The following FMN1 variants were observed in gnomAD, a reference collection of about 807,000 sequenced individuals.
FMN1 encodes the protein formin-1.
A neutral mutation model predicts 132.4 loss-of-function variants in FMN1; 110 were observed. The ratio of observed to expected loss-of-function variants is 0.83; its 90% CI spans 0.71 to 0.97. FMN1 has a LOEUF of 0.97. FMN1 is among the 50% of genes least tolerant of loss of function. The pLI, the probability that FMN1 is intolerant of heterozygous loss-of-function variation, is 0.00. For synonymous variants in FMN1, 722 were observed against 651.7 expected, an observed-to-expected ratio of 1.11 and a Z score of -1.64; for missense variants, 1,792 against 1,705.3, an observed-to-expected ratio of 1.05 and a Z score of -0.90.
chr15:33,107,057 TCTAA>T (rs939083896), intron 4 of FMN1, among the ~76,000 whole-genome samples: 6 of 152,178 alleles, frequency 3.9e-5, no homozygotes, highest in African/African-American at 1.4e-4. Context: ...TTATTTTCCT[TCTAA>T]CTTTGTTCTT....
At chr15:32,785,949 A>G (rs570186961) in intron 19 of FMN1, among the ~76,000 whole-genome samples, 5 of 152,332 alleles carry the variant, frequency 3.3e-5, no homozygotes, top group African/African-American at 1.2e-4. Context: ...GAATCTCTTT[A>G]AAAAAAGATT....
rs575051489 is a variant in FMN1, at chr15:33,062,741, G to T, written c.2161+2216C>A. 3 of 152,220 alleles carry T rather than the reference G, an allele frequency of 2.0e-5. No individual in the cohort carries two copies. The East Asian group carries it at 5.8e-4, about 29-fold the overall frequency. 9.4% of individuals were successfully genotyped at this position (152,220 alleles called of 1,614,324 possible). A position where few individuals can be genotyped will look rare whatever the true frequency, so the allele number is the denominator to read the frequency against. On this transcript the variant is annotated intron_variant, in intron 6 of 20. Coordinates refer to ENST00000616417, the MANE Select transcript of FMN1 (RefSeq NM_001277313.2). ...TTTCAAAAGTGACAACAGTTTCTCT[G>T]AAATAGAATCATAGAAAGTTTCTTT...
At chr15:32,804,407 A>T in intron 17 of FMN1, 75 bp from the exon 18 acceptor site, 2 of 419,688 alleles carry the variant, frequency 4.8e-6, no homozygotes, top group Non-Finnish European at 8.0e-6. Flanking sequence ...CTTCAATTAC[A>T]CCCATTCATT....
chr15:33,128,591 C>T (rs1255093404), intron 4 of FMN1, among the ~76,000 whole-genome samples: 1 of 152,236 alleles, frequency 6.6e-6, no homozygotes. Context: ...CGTGGTCTAA[C>T]TTCACAAACA....
At chr15:33,193,660 C>T (rs181704588) in intron 2 of FMN1, among the ~76,000 whole-genome samples, 2 of 152,090 alleles carry the variant, frequency 1.3e-5, no homozygotes, top group Non-Finnish European at 2.9e-5. Flanking sequence ...TCAGCCCATT[C>T]GGAGTGTGTG....
chr15:32,903,590 A>G (rs1340786553), intron 12 of FMN1, among the ~76,000 whole-genome samples: 4 of 152,218 alleles, frequency 2.6e-5, no homozygotes, highest in Non-Finnish European at 5.9e-5. Flanking sequence ...GAGCATGTAC[A>G]CTTCCTATCA....
At chr15:32,949,978 T>TTAAAA (rs2061598678) in intron 9 of FMN1, among the ~76,000 whole-genome samples, 1 of 36,198 alleles carries the variant, frequency 2.8e-5, no homozygotes, top group African/African-American at 1.6e-4. Context: ...CACATATATA[T>TTAAAA]ACACACACAT....
chr15:32,900,543 C>A (rs2060269676), intron 13 of FMN1, among the ~76,000 whole-genome samples: 1 of 152,134 alleles, frequency 6.6e-6, no homozygotes. Context: ...ATCTAGATAA[C>A]CAATACAGTT....
Position 32,988,416 on chromosome 15 carries a change from G to C in FMN1, c.2224-18939C>G, listed in dbSNP as rs532680434. 2.0e-5 allele frequency among the ~76,000 whole-genome samples: 3 copies of C among 152,302 alleles called. No individual in the cohort carries two copies. The South Asian group carries it at 6.2e-4, about 32-fold the overall frequency. ...ATACATTCGTAACAGAAGCGTGTTTGAGTTTGTGTCATCTGAAGATTCTGC... is the reference window on the plus strand; with the variant it reads ...ATACATTCGTAACAGAAGCGTGTTTCAGTTTGTGTCATCTGAAGATTCTGC... On this transcript the variant is annotated intron_variant, in intron 7 of 20. Coordinates refer to ENST00000616417, the MANE Select transcript of FMN1 (RefSeq NM_001277313.2).
intron 4 of FMN1, among the ~76,000 whole-genome samples, chr15:33,121,422 C>A (rs929207717): frequency 4.6e-5 from 7 of 152,044 alleles, no homozygotes; most frequent in African/African-American, 1.7e-4. Context: ...GGGAGAAACT[C>A]ATTCCCTCAT....
At chr15:32,981,895 C>T (rs1347814548) in intron 7 of FMN1, among the ~76,000 whole-genome samples, 1 of 152,028 alleles carries the variant, frequency 6.6e-6, no homozygotes, top group African/African-American at 2.4e-5. Context: ...AAAAACTGAT[C>T]AATTAGACAG....
intron 9 of FMN1, among the ~76,000 whole-genome samples, chr15:32,943,661 G>C (rs2061444659): frequency 6.6e-6 from 1 of 152,208 alleles, no homozygotes; most frequent in South Asian, 2.1e-4. Flanking sequence ...TACAGGCTCT[G>C]ATGATTGCAC....
chr15:32,866,105 C>T (rs531716247), intron 16 of FMN1, among the ~76,000 whole-genome samples: 2 of 151,430 alleles, frequency 1.3e-5, no homozygotes, highest in Non-Finnish European at 2.9e-5. Flanking sequence ...GGAGGGATAG[C>T]ATTAGGAGAT....
intron 7 of FMN1, among the ~76,000 whole-genome samples, chr15:32,992,842 G>C (rs1040722674): frequency 6.6e-6 from 1 of 152,134 alleles, no homozygotes; most frequent in African/African-American, 2.4e-5. Context: ...TTTTTACGGA[G>C]TAAAATATCA....
intron 5 of FMN1, 35 bp from the exon 6 acceptor site, chr15:33,065,109 T>C: frequency 1.4e-6 from 2 of 1,403,088 alleles, no homozygotes; most frequent in Non-Finnish European, 9.8e-7. Context: ...AAGTGGAATG[T>C]AGTCAGAGCC....
Position 32,773,126 on chromosome 15 carries a change from C to T in FMN1, c.*1184G>A, listed in dbSNP as rs1440048002. ...TGTCAGAGAGGTCAAAGGTGGTTTCCTTATGTGACTCAAGAGCCAGGGTCA... is the reference window on the plus strand; with the variant it reads ...TGTCAGAGAGGTCAAAGGTGGTTTCTTTATGTGACTCAAGAGCCAGGGTCA... On this transcript the variant is annotated 3_prime_UTR_variant, in exon 21 of 21. Coordinates refer to ENST00000616417, the MANE Select transcript of FMN1 (RefSeq NM_001277313.2). 6.6e-6 allele frequency: 1 copy of T among 152,184 alleles called. No homozygotes were observed. Among genetic ancestry groups the T allele is most frequent in the Non-Finnish European group, 1.5e-5 (1 of 68,036 alleles). 9.4% of individuals were successfully genotyped at this position (152,184 alleles called of 1,614,324 possible).
chr15:33,103,132 A>G (rs1054403807), intron 4 of FMN1, among the ~76,000 whole-genome samples: 28 of 152,156 alleles, frequency 1.8e-4, no homozygotes, highest in African/African-American at 6.5e-4. Flanking sequence ...AATATACATT[A>G]CATGAACAGT....
At chr15:33,043,937 T>C (rs777779828) in intron 6 of FMN1, among the ~76,000 whole-genome samples, 4 of 152,126 alleles carry the variant, frequency 2.6e-5, no homozygotes, top group Non-Finnish European at 5.9e-5. Context: ...CCTGGGCATC[T>C]CTGCACTCTC....
chr15:32,828,855 C>G (rs1834552193), intron 17 of FMN1, among the ~76,000 whole-genome samples: 1 of 152,160 alleles, frequency 6.6e-6, no homozygotes. Flanking sequence ...GTTTCAACGT[C>G]TTTTACTTAA....
Sources: allele counts gnomAD v4.1 joint callset (sites outside exome capture counted in the v4.1 genomes callset), GRCh38; gene constraint gnomAD v4.1.1; transcripts MANE v1.5; gene names NCBI Gene and HGNC (gene_info 2026-07-23, HGNC 2026-07-21).